Variants in NWD2 observed in about 807,000 individuals in gnomAD.
NWD2 encodes NACHT and WD repeat domain-containing protein 2.
In NWD2, 37 loss-of-function variants were observed where a neutral mutation model predicts 132.7. That is an observed-to-expected ratio of 0.28 (90% confidence interval 0.21 to 0.37). The LOEUF (loss-of-function observed/expected upper bound fraction) is 0.37. Ranked by LOEUF, NWD2 falls within the 10% of genes least tolerant of loss-of-function variation. NWD2 has a pLI of 1.00. For missense variants in NWD2, 1,592 were observed against 2,122.4 expected (o/e 0.75, Z 4.91); for synonymous variants, 705 against 803.0 (o/e 0.88, Z 2.06).
At chr4:37,334,753 ATCAC>A (rs1719365088) in intron 2 of NWD2, among the ~76,000 whole-genome samples, 1 of 152,132 alleles carries the variant, frequency 6.6e-6, no homozygotes, top group African/African-American at 2.4e-5. Flanking sequence ...TGAGCTTTAC[ATCAC>A]TCTTTAAGAA....
chr4:37,363,294 A>G (rs1020512220), intron 3 of NWD2, among the ~76,000 whole-genome samples: 1 of 152,242 alleles, frequency 6.6e-6, no homozygotes, highest in Non-Finnish European at 1.5e-5. Context: ...CAGCAATATC[A>G]TGACTGGGTA....
intron 3 of NWD2, among the ~76,000 whole-genome samples, chr4:37,359,076 C>T (rs1047336422): frequency 6.6e-6 from 1 of 152,294 alleles, no homozygotes; most frequent in South Asian, 2.1e-4. Context: ...TGTTCTCCCC[C>T]TTTTATAACC....
intron 1 of NWD2, among the ~76,000 whole-genome samples, chr4:37,258,785 A>C: frequency 6.6e-6 from 1 of 152,208 alleles, no homozygotes; most frequent in East Asian, 1.9e-4. Context: ...AGATTTTTTT[A>C]AATATTTGAA....
At chr4:37,402,886 T>C (rs1720923978) in intron 3 of NWD2, among the ~76,000 whole-genome samples, 1 of 152,238 alleles carries the variant, frequency 6.6e-6, no homozygotes, top group East Asian at 1.9e-4. Context: ...ATATAAAATG[T>C]ACTAGTTTTT....
intron 1 of NWD2, among the ~76,000 whole-genome samples, chr4:37,322,573 C>T (rs970804421): frequency 5.9e-5 from 9 of 152,096 alleles, no homozygotes; most frequent in African/African-American, 1.9e-4. Context: ...AAGGAGTGTA[C>T]ATTTCATTTA....
intron 1 of NWD2, among the ~76,000 whole-genome samples, chr4:37,298,414 T>G (rs1012472119): frequency 2.6e-5 from 4 of 152,194 alleles, no homozygotes; most frequent in African/African-American, 9.7e-5. Flanking sequence ...TTATTTATAT[T>G]CAGCTAAACA....
At chr4:37,249,518 G>C (rs1012165290) in intron 1 of NWD2, among the ~76,000 whole-genome samples, 1 of 152,168 alleles carries the variant, frequency 6.6e-6, no homozygotes, top group African/African-American at 2.4e-5. Flanking sequence ...ACATGGAGGA[G>C]TGGAGGAGAA....
At chr4:37,307,046 C>G (rs1241834994) in intron 1 of NWD2, among the ~76,000 whole-genome samples, 2 of 150,822 alleles carry the variant, frequency 1.3e-5, no homozygotes, top group Non-Finnish European at 3.0e-5. Flanking sequence ...AAAGAATGTT[C>G]TATGTACTGA....
At chr4:37,365,956 G>A (rs1298964877) in intron 3 of NWD2, among the ~76,000 whole-genome samples, 1 of 152,158 alleles carries the variant, frequency 6.6e-6, no homozygotes, top group African/African-American at 2.4e-5. Flanking sequence ...AAGTAGGCCA[G>A]CAACAACTTT....
chr4:37,387,002 C>A (rs1277930914), intron 3 of NWD2, among the ~76,000 whole-genome samples: 1 of 152,146 alleles, frequency 6.6e-6, no homozygotes, highest in Non-Finnish European at 1.5e-5. Flanking sequence ...GCCAAGTAAA[C>A]CTCTTTATAA....
At chr4:37,387,249 A>G (rs1720582412) in intron 3 of NWD2, among the ~76,000 whole-genome samples, 1 of 152,194 alleles carries the variant, frequency 6.6e-6, no homozygotes, top group Non-Finnish European at 1.5e-5. Flanking sequence ...TTAATAATGT[A>G]TTTAACCCAA....
At chr4:37,348,074 G>A (rs773581469) in intron 2 of NWD2, among the ~76,000 whole-genome samples, 21 of 152,218 alleles carry the variant, frequency 1.4e-4, no homozygotes, top group Non-Finnish European at 2.8e-4. Context: ...AGAGGAACAA[G>A]TGCTTTTTAA....
chr4:37,360,781 T>G (rs772259066), intron 3 of NWD2, among the ~76,000 whole-genome samples: 9 of 152,180 alleles, frequency 5.9e-5, no homozygotes, highest in Non-Finnish European at 1.3e-4. Flanking sequence ...TCTCTCATTA[T>G]CTCATCCCCA....
At chr4:37,248,516 C>T (rs536107476) in intron 1 of NWD2, among the ~76,000 whole-genome samples, 60 of 152,308 alleles carry the variant, frequency 3.9e-4, no homozygotes, top group Non-Finnish European at 1.5e-5. Context: ...TCCCACCCAA[C>T]ATAGAAATTC....
chr4:37,342,826 A>G (rs1469388069), intron 2 of NWD2, among the ~76,000 whole-genome samples: 1 of 152,186 alleles, frequency 6.6e-6, no homozygotes, highest in African/African-American at 2.4e-5. Flanking sequence ...TCGATGAAGC[A>G]TCATCCAACC....
At position 37,244,807 on chromosome 4, in the gene NWD2, A is replaced by G; in HGVS notation, c.-261A>G. Reference sequence around the variant, plus strand: ...CCCGCTCCAGCTGGCTGCTGCTCGGAGCCCTAGCAGCGGGCGAAGGCGGAG... The same window carrying G: ...CCCGCTCCAGCTGGCTGCTGCTCGGGGCCCTAGCAGCGGGCGAAGGCGGAG... On this transcript the variant is annotated 5_prime_UTR_variant, in exon 1 of 7. Transcript: ENST00000309447. The surrounding 1 kb of genome is among the most constrained non-coding windows in gnomAD (Gnocchi z 5.5). 2.3e-6 allele frequency: 1 copy of G among 442,706 alleles called. No individual in the cohort carries two copies. 27.4% of individuals were successfully genotyped at this position (442,706 alleles called of 1,614,324 possible).
At chr4:37,383,614 C>T (rs754331984) in intron 3 of NWD2, among the ~76,000 whole-genome samples, 2 of 152,252 alleles carry the variant, frequency 1.3e-5, no homozygotes, top group Non-Finnish European at 2.9e-5. Flanking sequence ...ATGCCCCCTA[C>T]GCTGGCTCTA....
At chr4:37,283,645 T>C (rs1285253066) in intron 1 of NWD2, among the ~76,000 whole-genome samples, 1 of 152,154 alleles carries the variant, frequency 6.6e-6, no homozygotes, top group African/African-American at 2.4e-5. Flanking sequence ...CTGAAAAAAA[T>C]GGGACTTACC....
chr4:37,316,424 G>T (rs577483969), intron 1 of NWD2, among the ~76,000 whole-genome samples: 1 of 151,682 alleles, frequency 6.6e-6, no homozygotes, highest in African/African-American at 2.4e-5. Flanking sequence ...TTTATCTTTT[G>T]TTTTAACAGT....
Sources: gnomAD v4.1 joint callset for allele counts (sites outside exome capture counted in the v4.1 genomes callset) on GRCh38, gnomAD v4.1.1 for gene constraint, Gnocchi (gnomAD v3.1) non-coding constraint, MANE v1.5 for transcripts, NCBI Gene and HGNC (gene_info 2026-07-23, HGNC 2026-07-21) for gene names.